Variants in DPYD observed in about 807,000 individuals in gnomAD.
The protein encoded by DPYD is dihydropyrimidine dehydrogenase [NADP(+)].
DPYD carries 109 observed loss-of-function variants against 116.2 expected under a neutral mutation model. That is an observed-to-expected ratio of 0.94 (90% CI 0.80 to 1.10). The LOEUF (loss-of-function observed/expected upper bound fraction) is 1.10, where lower values mean the gene tolerates loss of function less well. Among genes scored for constraint, DPYD ranks in the 50% least tolerant of loss-of-function variants. The pLI, the probability that DPYD is intolerant of heterozygous loss-of-function variation, is 0.00. For missense variants in DPYD, 1,302 were observed against 1,254.5 expected, an observed-to-expected ratio of 1.04 and a Z score of -0.57; for synonymous variants, 440 against 432.0, an observed-to-expected ratio of 1.02 and a Z score of -0.23.
At chr1:97,370,653 A>T (rs549330464) in intron 16 of DPYD, among the ~76,000 whole-genome samples, 1 of 152,316 alleles carries the variant, frequency 6.6e-6, no homozygotes, top group African/African-American at 2.4e-5. Flanking sequence ...AATGCTCTTT[A>T]AAGTTAGTTT....
At chr1:97,920,768 T>C in intron 1 of DPYD, 116 bp downstream of exon 1, 1 of 1,424,070 alleles carries the variant, frequency 7.0e-7, no homozygotes. Flanking sequence ...CGGGGGAAAC[T>C]TTCCCGCGTC....
At chr1:97,453,709 T>G (rs905403978) in intron 13 of DPYD, among the ~76,000 whole-genome samples, 1 of 152,034 alleles carries the variant, frequency 6.6e-6, no homozygotes, top group Non-Finnish European at 1.5e-5. Context: ...TTTAAGAATT[T>G]TTTCTTTGTG....
intron 18 of DPYD, among the ~76,000 whole-genome samples, chr1:97,281,307 C>A: frequency 6.6e-6 from 1 of 151,374 alleles, no homozygotes; most frequent in Admixed American, 6.6e-5. Context: ...GAGAGTAAAA[C>A]AAGAAATTAA....
chr1:97,235,118 T>C (rs1661824166), intron 18 of DPYD, 124 bp from the exon 19 acceptor site: 1 of 1,095,026 alleles, frequency 9.1e-7, no homozygotes, highest in Non-Finnish European at 1.4e-6. Context: ...ACTTTATCTC[T>C]GTTTAAGATG....
chr1:97,657,674 A>G (rs899497110), intron 8 of DPYD, among the ~76,000 whole-genome samples: 2 of 152,198 alleles, frequency 1.3e-5, no homozygotes, highest in Non-Finnish European at 2.9e-5. Flanking sequence ...ATGATTCCCT[A>G]ACAAAGGAAC....
intron 11 of DPYD, among the ~76,000 whole-genome samples, chr1:97,566,968 C>T (rs768293036): frequency 6.6e-6 from 1 of 152,082 alleles, no homozygotes; most frequent in Non-Finnish European, 1.5e-5. Flanking sequence ...AGCTAACTAC[C>T]ATTTTTGAAT....
intron 14 of DPYD, among the ~76,000 whole-genome samples, chr1:97,401,378 A>G (rs545780790): frequency 1.3e-5 from 2 of 152,218 alleles, no homozygotes; most frequent in African/African-American, 4.8e-5. Flanking sequence ...CAGTGGCACA[A>G]TCTCTGCTCA....
intron 16 of DPYD, among the ~76,000 whole-genome samples, chr1:97,311,494 T>A (rs982940613): frequency 3.3e-5 from 5 of 151,792 alleles, no homozygotes; most frequent in Non-Finnish European, 1.5e-5. Flanking sequence ...TGCCATTATC[T>A]ATCTACCAGA....
chr1:97,689,063 T>C lies in DPYD; in HGVS notation c.762+2654A>G, dbSNP rs181585545. On this transcript the variant is annotated intron_variant, in intron 7 of 22. Coordinates refer to ENST00000370192, the MANE Select transcript of DPYD (RefSeq NM_000110.4). ...ACAAGAAAAAGAATTCCATGTATTATACCTCTTTTTTTTTTTAACATACTA... is the reference window on the plus strand; with the variant it reads ...ACAAGAAAAAGAATTCCATGTATTACACCTCTTTTTTTTTTTAACATACTA... Among the ~76,000 whole-genome samples, 11 of 151,288 alleles carry C rather than the reference T, an allele frequency of 7.3e-5. No homozygotes were observed. In the East Asian group the frequency reaches 1.9e-3, roughly 27 times the overall value.
intron 21 of DPYD, among the ~76,000 whole-genome samples, chr1:97,087,104 T>C (rs1274151928): frequency 1.3e-5 from 2 of 152,242 alleles, no homozygotes; most frequent in Non-Finnish European, 2.9e-5. Context: ...AGTCAAAAGC[T>C]GAATGACGTT....
intron 3 of DPYD, chr1:97,798,203 C>T (rs1272490411): frequency 6.6e-6 from 1 of 152,010 alleles, no homozygotes; most frequent in Non-Finnish European, 1.5e-5. Flanking sequence ...ATGTAGAGTC[C>T]TTTGCTGTGT....
At chr1:97,310,908 A>T (rs919710447) in intron 16 of DPYD, among the ~76,000 whole-genome samples, 5 of 151,832 alleles carry the variant, frequency 3.3e-5, no homozygotes, top group African/African-American at 1.2e-4. Flanking sequence ...GCAATGAAAT[A>T]TGATTCAACA....
intron 20 of DPYD, among the ~76,000 whole-genome samples, chr1:97,178,592 T>C (rs1017683180): frequency 7.9e-5 from 12 of 152,198 alleles, no homozygotes; most frequent in South Asian, 2.1e-4. Context: ...GTTCCACCCT[T>C]GACACATAGG....
intron 13 of DPYD, among the ~76,000 whole-genome samples, chr1:97,466,147 G>A (rs1170758460): frequency 1.3e-5 from 2 of 152,042 alleles, no homozygotes; most frequent in Non-Finnish European, 2.9e-5. Flanking sequence ...ATACACTCTG[G>A]TTTACAGTGT....
chr1:97,590,797 T>C (rs1229401228), intron 10 of DPYD, among the ~76,000 whole-genome samples: 2 of 152,182 alleles, frequency 1.3e-5, no homozygotes, highest in Non-Finnish European at 1.5e-5. Context: ...CATTAACCAA[T>C]AGCTCACTCT....
chr1:97,858,426 A>C (rs1323235999), intron 2 of DPYD, among the ~76,000 whole-genome samples: 1 of 152,152 alleles, frequency 6.6e-6, no homozygotes, highest in African/African-American at 2.4e-5. Context: ...ATAGGATTAC[A>C]ATTCTAGGAT....
At chr1:97,693,319 C>CAAAAAAAAA (rs1557887384) in intron 6 of DPYD, among the ~76,000 whole-genome samples, 1 of 112,156 alleles carries the variant, frequency 8.9e-6, no homozygotes. Flanking sequence ...AAAAAAAAAC[C>CAAAAAAAAA]AAAAAAGAAA....
At chr1:97,085,925 T>C (rs1040091) in intron 21 of DPYD, among the ~76,000 whole-genome samples, 21,794 of 152,258 alleles carry the variant, frequency 0.14, 1,714 homozygotes, top group Non-Finnish European at 0.17. Flanking sequence ...TTTTAAATTA[T>C]AGATGATAAC....
At chr1:97,079,295 A>G (rs768922973) in intron 22 of DPYD, 149 bp from the exon 23 acceptor site, 5 of 781,602 alleles carry the variant, frequency 6.4e-6, no homozygotes, top group Non-Finnish European at 1.1e-5. Flanking sequence ...GCAACAGTTG[A>G]GCTGACAGAG....
Sources: allele counts gnomAD v4.1 joint callset (sites outside exome capture counted in the v4.1 genomes callset), GRCh38; gene constraint gnomAD v4.1.1; transcripts MANE v1.5; gene names NCBI Gene and HGNC (gene_info 2026-07-23, HGNC 2026-07-21).